VN1R2: variants seen among roughly 807,000 people sequenced by gnomAD.
The protein encoded by VN1R2 is vomeronasal 1 receptor 2.
For missense variants in VN1R2, 418 were observed against 452.4 expected (o/e 0.92, Z 0.69); for synonymous variants, 160 against 173.1 (o/e 0.92, Z 0.59).
At position 53,258,960 on chromosome 19, in the gene VN1R2, C is replaced by G; in HGVS notation, c.585C>G (p.Asn195Lys). The G allele has an allele frequency of 6.2e-7, 1 of 1,614,196 alleles. No homozygotes were observed. The change falls in exon 1 of 1, where the codon AAC becomes AAG. Residue 195 changes from asparagine to lysine, a missense_variant. Coordinates refer to ENST00000341702, the MANE Select transcript of VN1R2 (RefSeq NM_173856.2). ...AGGTGATCACCATCAACCCTAGGAACTCCAGGTGGGCAGAGATGAAAGTAA... is the reference window on the plus strand; with the variant it reads ...AGGTGATCACCATCAACCCTAGGAAGTCCAGGTGGGCAGAGATGAAAGTAA... ...VFQVITINPR[N>K]SRWAEMKVKA... is the part of the protein sequence containing the mutation.
At position 53,259,535 on chromosome 19, in the gene VN1R2, G is replaced by T. The variant is rs199981144; in HGVS notation, c.1160G>T (p.Arg387Leu). The T allele has an allele frequency of 2.5e-6, 4 of 1,610,534 alleles. No homozygotes were observed. The South Asian group carries it at 3.3e-5, about 13-fold the overall frequency. ...LCSICCRRNR[R>L]FFHDFRKM ...AGTATCTGCTGCAGAAGAAATAGAC[G>T]ATTCTTTCATGATTTCAGGAAAATG... Residue 387 changes from arginine (R) to leucine (L), a missense_variant, in exon 1 of 1, where the codon CGA becomes CTA. Physicochemically the swap from Arg to Leu is moderately radical, Grantham distance 102. Coordinates refer to ENST00000341702, the MANE Select transcript of VN1R2 (RefSeq NM_173856.2).
chr19:53,259,498 TCC>T, intron 1 of VN1R2: 2 of 1,614,158 alleles, frequency 1.2e-6, no homozygotes, highest in Non-Finnish European at 1.7e-6. Context: ...CCCCAGCAGA[TCC>T]AGGCTCTGCA....
Position 53,258,995 on chromosome 19 carries a change from C to A in VN1R2, c.620C>A (p.Thr207Lys). The change falls in exon 1 of 1, where the codon ACA (threonine) becomes AAA (lysine). Residue 207 changes from threonine (T) to lysine (K), a missense_variant. Physicochemically the swap from Thr to Lys is moderately conservative, Grantham distance 78. Transcript: ENST00000341702. ...GCAGAGATGAAAGTAAAAGCCCCGACATACATTGGTCTCTCCAATATCCTG... is the reference window on the plus strand; with the variant it reads ...GCAGAGATGAAAGTAAAAGCCCCGAAATACATTGGTCTCTCCAATATCCTG... ...RWAEMKVKAP[T>K]YIGLSNILCW... The A allele has an allele frequency of 6.2e-7, 1 of 1,614,194 alleles. No homozygotes were observed. The highest frequency in any genetic ancestry group is 8.5e-7 in the Non-Finnish European group (1 of 1,180,024).
chr19:53,258,347 G>A lies in VN1R2; in HGVS notation c.-29G>A. 1 of 652,596 alleles carries A rather than the reference G, an allele frequency of 1.5e-6. No individual in the cohort carries two copies. The highest frequency in any genetic ancestry group is 2.8e-6 in the Non-Finnish European group (1 of 355,866). The allele number at this position is 652,596 out of a possible 1,614,324, so 40.4% of individuals were successfully genotyped here. A position where few individuals can be genotyped will look rare whatever the true frequency, so the allele number is the denominator to read the frequency against. On this transcript the variant is annotated 5_prime_UTR_variant, in exon 1 of 1. Coordinates refer to ENST00000341702, the MANE Select transcript of VN1R2 (RefSeq NM_173856.2). ...AGGGCCCCCTGTCCAGTGGACACGT[G>A]ACCCACGTGACCTTACCTATCATTG...
chr19:53,258,366 A>G lies in VN1R2; in HGVS notation c.-10A>G. The G allele has an allele frequency of 2.9e-6, 2 of 678,550 alleles. No individual in the cohort carries two copies. The highest frequency in any genetic ancestry group is 5.4e-6 in the Non-Finnish European group (2 of 368,158). 42.0% of individuals were successfully genotyped at this position (678,550 alleles called of 1,614,324 possible). On this transcript the variant is annotated 5_prime_UTR_variant, in exon 1 of 1. Transcript: ENST00000341702. ...ACACGTGACCCACGTGACCTTACCT[A>G]TCATTGGAGATGACTCACACTCTTT...
Position 53,259,430 on chromosome 19 carries a change from CTGCACTAATCAT to C in VN1R2, c.1059_1070del (p.Leu354_Ala357del). The C allele has an allele frequency of 1.2e-6, 2 of 1,614,208 alleles. No homozygotes were observed. The highest frequency in any genetic ancestry group is 1.7e-6 in the Non-Finnish European group (2 of 1,180,038). On this transcript the variant is annotated inframe_deletion, in exon 1 of 1. Transcript: ENST00000341702. ...TCCAGTTGGTGGCTAGTGAACACTG[CTGCACTAATCAT>C]TGCCTGTTTTCCAACTATTAGCCCT...
In VN1R2 at chr19:53,258,599, C is replaced by T; in HGVS notation, c.224C>T (p.Ser75Phe). The T allele has an allele frequency of 6.3e-7, 1 of 1,581,230 alleles. No individual in the cohort carries two copies. The highest frequency in any genetic ancestry group is 1.1e-5 in the South Asian group (1 of 88,264). Residue 75 changes from serine to phenylalanine, a missense_variant, in exon 1 of 1, where the codon TCT (serine) becomes TTT (phenylalanine). Physicochemically the swap from Ser to Phe is radical, Grantham distance 155. Transcript: ENST00000341702. The stretch of plus-strand genomic sequence containing the variant: ...TGTCTTGTGTCTTTATTTCTACACT[C>T]TCTTGTCTCTGCACACGGAGAGAAA... ...SLCLVSLFLH[S>F]LVSAHGEKPT...
At position 53,258,764 on chromosome 19, in the gene VN1R2, A is replaced by G. The variant is rs2091323564; in HGVS notation, c.389A>G (p.His130Arg). The G allele has an allele frequency of 6.2e-7, 1 of 1,613,986 alleles. No homozygotes were observed. The highest frequency in any genetic ancestry group is 8.5e-7 in the Non-Finnish European group (1 of 1,180,012). The stretch of plus-strand genomic sequence containing the variant: ...AGATCCACAGATTTGATTCTCAGGC[A>G]CCTGACTGTAGCTGACTCCTTGGTT... Reference protein sequence around the residue: ...KPRSTDLILRHLTVADSLVIL... With the variant: ...KPRSTDLILRRLTVADSLVIL... The change falls in exon 1 of 1, where the codon CAC becomes CGC. Residue 130 changes from histidine (H) to arginine (R), a missense_variant. By Grantham distance (29) the His-to-Arg change is conservative. Transcript: ENST00000341702.
rs559343936 is a variant in VN1R2, at chr19:53,258,667, G to C, written c.292G>C (p.Val98Leu). ...VGLDPTLFQV[V>L]VGILGNFSLL... The stretch of plus-strand genomic sequence containing the variant: ...GCTGGACCCTACACTATTCCAGGTA[G>C]TTGTTGGAATCCTGGGGAATTTTTC... The change falls in exon 1 of 1, where the codon GTT becomes CTT. Residue 98 changes from valine to leucine, a missense_variant. Physicochemically the swap from Val to Leu is conservative, Grantham distance 32. Coordinates refer to ENST00000341702, the MANE Select transcript of VN1R2 (RefSeq NM_173856.2). 2.5e-6 allele frequency: 4 copies of C among 1,613,938 alleles called. No individual in the cohort carries two copies. In the South Asian group the frequency reaches 4.4e-5, roughly 18 times the overall value.
Position 53,259,008 on chromosome 19 carries a change from C to T in VN1R2, c.633C>T (p.Leu211=), listed in dbSNP as rs779899125. The T allele has an allele frequency of 6.2e-7, 1 of 1,614,178 alleles. No individual in the cohort carries two copies. The highest frequency in any genetic ancestry group is 1.7e-5 in the Admixed American group (1 of 60,016). Residue 211 remains leucine (L), a synonymous_variant, in exon 1 of 1, where the codon CTC becomes CTT. Transcript: ENST00000341702. The part of the protein sequence containing the change: ...MKVKAPTYIG[L]SNILCWAFHM... Reference sequence around the variant, plus strand: ...TAAAAGCCCCGACATACATTGGTCTCTCCAATATCCTGTGCTGGGCCTTCC... The same window carrying T: ...TAAAAGCCCCGACATACATTGGTCTTTCCAATATCCTGTGCTGGGCCTTCC...
At position 53,258,926 on chromosome 19, in the gene VN1R2, G is replaced by T; in HGVS notation, c.551G>T (p.Ser184Ile). The change falls in exon 1 of 1, where the codon AGT becomes ATT. Residue 184 changes from serine (S) to isoleucine (I), a missense_variant. Coordinates refer to ENST00000341702, the MANE Select transcript of VN1R2 (RefSeq NM_173856.2). ...GVSIGSTCLLSVFQVITINPR... is the reference protein window; with the variant it reads ...GVSIGSTCLLIVFQVITINPR... ...TCCATTGGAAGCACCTGCCTCTTGA[G>T]TGTCTTCCAGGTGATCACCATCAAC... The T allele has an allele frequency of 6.2e-7, 1 of 1,614,172 alleles. No individual in the cohort carries two copies. Among genetic ancestry groups the T allele is most frequent in the Non-Finnish European group, 8.5e-7 (1 of 1,180,034 alleles).
Position 53,258,522 on chromosome 19 carries a change from C to T in VN1R2, c.147C>T (p.Arg49=), listed in dbSNP as rs112910446. Residue 49 remains arginine, a synonymous_variant, in exon 1 of 1, where the codon CGC becomes CGT. Transcript: ENST00000341702. ...SLAFGATTGL[R]VLVVVVPQTQ... ...CATTCGGGGCCACTACCGGTCTCCG[C>T]GTCTTGGTGGTAGTGGTCCCCCAGA... The T allele has an allele frequency of 0.068, 100,358 of 1,476,356 alleles. 3,956 individuals carry two copies. The highest frequency in any genetic ancestry group is 0.17 in the African/African-American group (12,274 of 71,650). The allele number at this position is 1,476,356 out of a possible 1,614,324, so 91.5% of individuals were successfully genotyped here.
rs774965789 is a variant in VN1R2 at position 53,258,942 on chromosome 19, C to G, written c.567C>G (p.Ile189Met). ...GCCTCTTGAGTGTCTTCCAGGTGATCACCATCAACCCTAGGAACTCCAGGT... is the reference window on the plus strand; with the variant it reads ...GCCTCTTGAGTGTCTTCCAGGTGATGACCATCAACCCTAGGAACTCCAGGT... The part of the protein sequence containing the change: ...STCLLSVFQV[I>M]TINPRNSRWA... The change falls in exon 1 of 1, where the codon ATC becomes ATG. Residue 189 changes from isoleucine (I) to methionine (M), a missense_variant. Transcript: ENST00000341702. 1.2e-6 allele frequency: 2 copies of G among 1,614,088 alleles called. No homozygotes were observed. The highest frequency in any genetic ancestry group is 1.7e-6 in the Non-Finnish European group (2 of 1,180,004).
In VN1R2 at chr19:53,258,784, T is replaced by G; in HGVS notation, c.409T>G (p.Leu137Val). 6.2e-7 allele frequency: 1 copy of G among 1,614,216 alleles called. No homozygotes were observed. The highest frequency in any genetic ancestry group is 1.1e-5 in the South Asian group (1 of 91,076). ...CAGGCACCTGACTGTAGCTGACTCC[T>G]TGGTTATCCTATCTAAAAGAATCCC... is the stretch of plus-strand genomic sequence containing the variant. ...ILRHLTVADS[L>V]VILSKRIPET... The change falls in exon 1 of 1, where the codon TTG becomes GTG. Residue 137 changes from leucine to valine, a missense_variant. Transcript: ENST00000341702.
In VN1R2 at chr19:53,259,281, T is replaced by G. The variant is rs113115189; in HGVS notation, c.906T>G (p.Asn302Lys). ...KQQVQHICRN[N>K]LYPNSSPGNR... ...AGGTACAACACATCTGTAGGAACAA[T>G]CTCTACCCCAACTCTTCTCCTGGGA... Residue 302 changes from asparagine (N) to lysine (K), a missense_variant, in exon 1 of 1, where the codon AAT becomes AAG. By Grantham distance (94) the Asn-to-Lys change is moderately conservative (BLOSUM62 0). Transcript: ENST00000341702. The G allele has an allele frequency of 2.6e-5, 42 of 1,614,152 alleles. No homozygotes were observed. The highest frequency in any genetic ancestry group is 2.3e-4 in the African/African-American group (17 of 75,024).
At position 53,258,578 on chromosome 19, in the gene VN1R2, T is replaced by A. The variant is rs1338840128; in HGVS notation, c.203T>A (p.Leu68His). The change falls in exon 1 of 1, where the codon CTT (leucine) becomes CAT (histidine). Residue 68 changes from leucine to histidine, a missense_variant. Coordinates refer to ENST00000341702, the MANE Select transcript of VN1R2 (RefSeq NM_173856.2). ...TQLSFLSSLC[L>H]VSLFLHSLVS... is the part of the protein sequence containing the mutation. ...CTGTCTTTTCTTTCATCTCTTTGTC[T>A]TGTGTCTTTATTTCTACACTCTCTT... 6.4e-7 allele frequency: 1 copy of A among 1,560,272 alleles called. No individual in the cohort carries two copies. Among genetic ancestry groups the A allele is most frequent in the African/African-American group, 1.4e-5 (1 of 73,004 alleles).
Position 53,258,896 on chromosome 19 carries a change from G to A in VN1R2, c.521G>A (p.Gly174Asp), listed in dbSNP as rs201211389. 2.5e-5 allele frequency: 41 copies of A among 1,614,172 alleles called. No homozygotes were observed. In the East Asian group the frequency reaches 3.8e-4, roughly 15 times the overall value. ...FLLYAHRVGR[G>D]VSIGSTCLLS... ...TTGTATGCACACAGGGTAGGCAGGG[G>A]TGTGTCCATTGGAAGCACCTGCCTC... The change falls in exon 1 of 1, where the codon GGT becomes GAT. Residue 174 changes from glycine (G) to aspartate (D), a missense_variant. By Grantham distance (94) the Gly-to-Asp change is moderately conservative (BLOSUM62 -1). Transcript: ENST00000341702.
chr19:53,258,852 T>C lies in VN1R2; in HGVS notation c.477T>C (p.Tyr159=), dbSNP rs1047748993. 6.2e-7 allele frequency: 1 copy of C among 1,614,180 alleles called. No individual in the cohort carries two copies. The highest frequency in any genetic ancestry group is 1.3e-5 in the African/African-American group (1 of 75,042). ...TTGGGTTGAAACATTTTGACAATTA[T>C]TTTGGATGCAAATTTCTTTTGTATG... ...ATFGLKHFDN[Y]FGCKFLLYAH... Residue 159 remains tyrosine, a synonymous_variant, in exon 1 of 1, where the codon TAT becomes TAC. Coordinates refer to ENST00000341702, the MANE Select transcript of VN1R2 (RefSeq NM_173856.2).
chr19:53,258,678 C>A lies in VN1R2; in HGVS notation c.303C>A (p.Ile101=), dbSNP rs956686350. The A allele has an allele frequency of 1.2e-6, 2 of 1,614,008 alleles. No homozygotes were observed. The highest frequency in any genetic ancestry group is 8.5e-7 in the Non-Finnish European group (1 of 1,179,970). The change falls in exon 1 of 1, where the codon ATC becomes ATA. Residue 101 remains isoleucine, a synonymous_variant. Transcript: ENST00000341702. ...DPTLFQVVVG[I]LGNFSLLYYY... is the part of the protein sequence containing the mutation. ...CACTATTCCAGGTAGTTGTTGGAAT[C>A]CTGGGGAATTTTTCACTCTTATATT...
Sources: allele counts gnomAD v4.1 joint callset, GRCh38; gene constraint gnomAD v4.1.1; transcripts MANE v1.5; gene names NCBI Gene and HGNC (gene_info 2026-07-23, HGNC 2026-07-21).